The following PDE11A variants were observed in gnomAD, a reference collection of about 807,000 sequenced individuals.
PDE11A encodes phosphodiesterase 11A.
Under a neutral mutation model 100.5 loss-of-function variants are expected in PDE11A, and 100 were observed. The observed-to-expected ratio is 1.00, with a 90% CI of 0.85 to 1.18. The LOEUF is 1.18. Among genes scored for constraint, PDE11A ranks in the 50% most tolerant of loss-of-function variants. The pLI, the probability that PDE11A is intolerant of heterozygous loss-of-function variation, is 0.00. For missense variants in PDE11A, 1,141 were observed against 1,152.6 expected (o/e 0.99, Z 0.15); for synonymous variants, 381 against 420.8 (o/e 0.91, Z 1.16).
chr2:177,672,143 C>T (rs558381826), intron 17 of PDE11A, among the ~76,000 whole-genome samples: 1 of 152,288 alleles, frequency 6.6e-6, no homozygotes, highest in South Asian at 2.1e-4. Flanking sequence ...GAGGCCTTCC[C>T]ACATGGGAAA....
At position 177,885,770 on chromosome 2, in the gene PDE11A, C is replaced by T. The variant is rs117650665; in HGVS notation, c.1303-9847G>A. Among the ~76,000 whole-genome samples the T allele has an allele frequency of 2.6e-5, 4 of 152,278 alleles. No individual in the cohort carries two copies. In the East Asian group the frequency reaches 7.7e-4, roughly 29 times the overall value. On this transcript the variant is annotated intron_variant, in intron 4 of 19. Coordinates refer to ENST00000286063, the MANE Select transcript of PDE11A (RefSeq NM_016953.4). ...ATCTCTTCCCCTTGAGTGTAGGATT[C>T]AGGAAGACTGTCTAGTTCATTGGCT...
intron 2 of PDE11A, among the ~76,000 whole-genome samples, chr2:178,103,538 TA>T (rs1173781632): frequency 1.3e-5 from 2 of 151,794 alleles, no homozygotes; most frequent in Non-Finnish European, 2.9e-5. Context: ...ATAAAAATAA[TA>T]AAAAGAAATA....
intron 19 of PDE11A, among the ~76,000 whole-genome samples, chr2:177,656,967 T>G (rs919432176): frequency 1.3e-5 from 2 of 152,126 alleles, no homozygotes; most frequent in South Asian, 2.1e-4. Context: ...AATGAGGGGG[T>G]TTCCGAATGC....
chr2:177,750,196 G>C (rs377370633), intron 10 of PDE11A, among the ~76,000 whole-genome samples: 69 of 152,282 alleles, frequency 4.5e-4, no homozygotes, highest in African/African-American at 1.5e-3. Context: ...CTTGCTCTCT[G>C]AGTGTCTCTG....
rs1259167609 is a variant in PDE11A at position 178,072,296 on chromosome 2, C to G, written c.142G>C (p.Ala48Pro). ...GCCAAAGAGGGCCTTGGACCTAAAG[C>G]CCCCTGACCCTGACTGTGCCTCTGC... ...WLQRHSQGQG[A>P]LGPRPSLAGT... Residue 48 changes from alanine to proline, a missense_variant, in exon 1 of 20, where the codon GCT (alanine) becomes CCT (proline). By Grantham distance (27) the Ala-to-Pro change is conservative. Transcript: ENST00000286063. 3 of 1,613,940 alleles carry G rather than the reference C, an allele frequency of 1.9e-6. No homozygotes were observed. The highest frequency in any genetic ancestry group is 1.7e-4 in the Middle Eastern group (1 of 6,060).
At chr2:177,795,875 A>C (rs935373714) in intron 9 of PDE11A, among the ~76,000 whole-genome samples, 1 of 145,610 alleles carries the variant, frequency 6.9e-6, no homozygotes, top group African/African-American at 2.5e-5. Flanking sequence ...CACGTGAAGC[A>C]AAAGTCTCCC....
chr2:178,076,467 C>T (rs1357997898), upstream of PDE11A, among the ~76,000 whole-genome samples: 1 of 152,184 alleles, frequency 6.6e-6, no homozygotes. Flanking sequence ...ACATTTTGCT[C>T]ATGGTTACAT....
chr2:177,766,624 T>A (rs2082243792), intron 10 of PDE11A, among the ~76,000 whole-genome samples: 1 of 152,214 alleles, frequency 6.6e-6, no homozygotes, highest in South Asian at 2.1e-4. Flanking sequence ...TTGCACATAC[T>A]CCAGCCTGGA....
chr2:177,812,559 C>T (rs10930809), intron 9 of PDE11A, among the ~76,000 whole-genome samples: 61,726 of 151,846 alleles, frequency 0.41, 14,380 homozygotes, highest in African/African-American at 0.64. Flanking sequence ...TAATTTAATG[C>T]GGTATTTCAA....
intron 6 of PDE11A, 108 bp from the exon 7 acceptor site, chr2:177,820,403 T>C: frequency 1.4e-6 from 1 of 704,174 alleles, no homozygotes. Flanking sequence ...TTTTTAAAGC[T>C]ATTTTATACA....
rs141453947 is a variant in PDE11A at position 178,091,351 on chromosome 2, G to A, written c.162+12951C>T. Reference sequence around the variant, plus strand: ...CTCCCAAAGTGCTGGGATTACAGGCGTGAGCCACTGCACCTAGCCCACTAA... The same window carrying A: ...CTCCCAAAGTGCTGGGATTACAGGCATGAGCCACTGCACCTAGCCCACTAA... On this transcript the variant is annotated intron_variant, in intron 2 of 20. Coordinates refer to the PDE11A transcript ENST00000358450. Among the ~76,000 whole-genome samples, 687 of 152,256 alleles carry A rather than the reference G, an allele frequency of 4.5e-3. 7 individuals carry two copies. The highest frequency in any genetic ancestry group is 0.015 in the African/African-American group (628 of 41,538).
chr2:177,775,672 C>T (rs929141112), intron 9 of PDE11A, among the ~76,000 whole-genome samples: 1 of 152,206 alleles, frequency 6.6e-6, no homozygotes, highest in African/African-American at 2.4e-5. Context: ...TTCATTTATA[C>T]ACCAAGCGCT....
At chr2:177,977,783 T>A (rs2085829262) in intron 2 of PDE11A, among the ~76,000 whole-genome samples, 1 of 146,066 alleles carries the variant, frequency 6.8e-6, no homozygotes, top group Non-Finnish European at 1.5e-5. Context: ...TATCTACAAC[T>A]ATCTGATCTT....
rs536037659 is a variant in PDE11A at position 177,998,412 on chromosome 2, G to T, written c.1071+15890C>A. ...ATCCATGTTAAATATACTCAACAGG[G>T]CATTGTTCACTAGGTTAAATTCTGC... is the stretch of plus-strand genomic sequence containing the variant. On this transcript the variant is annotated intron_variant, in intron 2 of 19. Coordinates refer to ENST00000286063, the MANE Select transcript of PDE11A (RefSeq NM_016953.4). 4 of 896,754 alleles carry T rather than the reference G, an allele frequency of 4.5e-6. No individual in the cohort carries two copies. The East Asian group carries it at 9.6e-5, about 22-fold the overall frequency. The allele number at this position is 896,754 out of a possible 1,614,324, so 55.5% of individuals were successfully genotyped here.
Position 177,950,668 on chromosome 2 carries a change from T to C in PDE11A, c.1072-45481A>G, listed in dbSNP as rs541057108. On this transcript the variant is annotated intron_variant, in intron 2 of 19. Coordinates refer to ENST00000286063, the MANE Select transcript of PDE11A (RefSeq NM_016953.4). ...TTCTCACGCCTGTAATCCCAGCACT[T>C]TGGGAGGCCGAGTTGGGCAGATCAC... 3.4e-4 allele frequency among the ~76,000 whole-genome samples: 52 copies of C among 152,270 alleles called. 1 individual carries two copies. The South Asian group carries it at 8.9e-3, about 26-fold the overall frequency.
intron 10 of PDE11A, among the ~76,000 whole-genome samples, chr2:177,747,982 C>G (rs1475545694): frequency 2.0e-5 from 3 of 152,154 alleles, no homozygotes; most frequent in Non-Finnish European, 2.9e-5. Flanking sequence ...TCCCGATCCT[C>G]TAGTCCTTGC....
chr2:178,073,287 G>T (rs1045731707), upstream of PDE11A, among the ~76,000 whole-genome samples: 1 of 152,178 alleles, frequency 6.6e-6, no homozygotes, highest in African/African-American at 2.4e-5. Context: ...CGCCTTGTGG[G>T]TGCTCAGTAA....
chr2:177,723,564 A>T, intron 12 of PDE11A, among the ~76,000 whole-genome samples: 1 of 152,212 alleles, frequency 6.6e-6, no homozygotes, highest in East Asian at 1.9e-4. Flanking sequence ...ATATGAAGAA[A>T]GAACAAGATT....
At chr2:177,923,913 A>G (rs905690155) in intron 2 of PDE11A, among the ~76,000 whole-genome samples, 1 of 152,216 alleles carries the variant, frequency 6.6e-6, no homozygotes, top group East Asian at 1.9e-4. Flanking sequence ...GGCTCAAGCA[A>G]TATGTGTTAA....
Sources: gnomAD v4.1 joint callset for allele counts (sites outside exome capture counted in the v4.1 genomes callset) on GRCh38, gnomAD v4.1.1 for gene constraint, MANE v1.5 for transcripts, NCBI Gene and HGNC (gene_info 2026-07-23, HGNC 2026-07-21) for gene names.